Variants in GSN observed in about 807,000 individuals in gnomAD.
The protein encoded by GSN is actin-depolymerizing factor.
A neutral mutation model predicts 85.7 loss-of-function variants in GSN; 56 were observed. The ratio of observed to expected loss-of-function variants is 0.65; its 90% CI spans 0.53 to 0.82. GSN has a LOEUF of 0.82. GSN is among the 40% of genes least tolerant of loss of function. GSN has a pLI of 0.00. For missense variants in GSN, 857 were observed against 979.8 expected (o/e 0.87, Z 1.67); for synonymous variants, 373 against 399.1 (o/e 0.93, Z 0.78).
chr9:121,310,320 G>A (rs2060953684), intron 4 of GSN: 5 of 334,960 alleles, frequency 1.5e-5, no homozygotes, highest in East Asian at 7.6e-5. Context: ...GGGAAACGCC[G>A]GTTTTGAGGA....
chr9:121,269,132 T>C lies in GSN; in HGVS notation c.-103+913T>C, dbSNP rs144469603. Among the ~76,000 whole-genome samples, 63 of 152,290 alleles carry C rather than the reference T, an allele frequency of 4.1e-4. 1 individual carries two copies. Among genetic ancestry groups the C allele is most frequent in the African/African-American group, 1.4e-3 (57 of 41,562 alleles). On this transcript the variant is annotated intron_variant, in intron 1 of 17. Transcript: ENST00000432226. Reference sequence around the variant, plus strand: ...TCATTCTGGGCTGTCCTGAGGGTAATTGGACTTTGTGGAAGGCGGGGCCTC... The same window carrying C: ...TCATTCTGGGCTGTCCTGAGGGTAACTGGACTTTGTGGAAGGCGGGGCCTC...
intron 6 of GSN, among the ~76,000 whole-genome samples, chr9:121,256,557 G>A (rs916729164): frequency 6.6e-6 from 1 of 152,050 alleles, no homozygotes. Context: ...GTTGGCTGAA[G>A]GCTACAAAAA....
chr9:121,294,236 C>T (rs7018582), intron 2 of GSN, among the ~76,000 whole-genome samples: 4,026 of 152,304 alleles, frequency 0.026, 189 homozygotes, highest in African/African-American at 0.092. Flanking sequence ...CCAGCATCTG[C>T]AGCCAGGCCT....
Position 121,324,570 on chromosome 9 carries a change from A to G in GSN, c.1342A>G (p.Thr448Ala), listed in dbSNP as rs576601788. ...CCCTTCCAGGCAGGGTGCCCAGTCT[A>G]CCCAGGATGAGGTCGCTGCATCTGC... ...IIYNWQGAQS[T>A]QDEVAASAIL... Residue 448 changes from threonine to alanine, a missense_variant, in exon 12 of 18, where the codon ACC (threonine) becomes GCC (alanine). Transcript: ENST00000432226. The G allele has an allele frequency of 5.9e-6, 9 of 1,538,116 alleles. No homozygotes were observed. Among genetic ancestry groups the G allele is most frequent in the Non-Finnish European group, 7.0e-6 (8 of 1,136,278 alleles).
intron 17 of GSN, 179 bp downstream of exon 17, chr9:121,331,627 A>C: frequency 3.4e-6 from 2 of 594,488 alleles, no homozygotes; most frequent in South Asian, 2.1e-5. Flanking sequence ...ATAGTGAAGA[A>C]CACATCAGTT....
chr9:121,203,598 GTTC>G (rs780299576), upstream of GSN, among the ~76,000 whole-genome samples: 8 of 152,160 alleles, frequency 5.3e-5, no homozygotes, highest in Non-Finnish European at 7.3e-5. Context: ...TTATGAACTG[GTTC>G]TGCCATGAAC....
chr9:121,327,856 C>T (rs772650668), intron 14 of GSN, among the ~76,000 whole-genome samples: 1 of 152,210 alleles, frequency 6.6e-6, no homozygotes, highest in Non-Finnish European at 1.5e-5. Flanking sequence ...CCTGTATAAT[C>T]CCAGCTACTC....
At chr9:121,325,480 G>A (rs1418953801) in intron 12 of GSN, among the ~76,000 whole-genome samples, 2 of 152,190 alleles carry the variant, frequency 1.3e-5, no homozygotes, top group Non-Finnish European at 2.9e-5. Flanking sequence ...ACCACCAGAG[G>A]CCATAGTGAC....
chr9:121,303,629 A>G (rs1328726367), intron 4 of GSN, among the ~76,000 whole-genome samples: 2 of 152,018 alleles, frequency 1.3e-5, no homozygotes, highest in African/African-American at 4.8e-5. Context: ...CTGCACCCTA[A>G]TATGCTGGTG....
intron 2 of GSN, among the ~76,000 whole-genome samples, chr9:121,293,451 A>C (rs1173757777): frequency 2.0e-5 from 3 of 151,842 alleles, no homozygotes; most frequent in African/African-American, 7.3e-5. Flanking sequence ...CACATCATAA[A>C]ATTTGCCATT....
At chr9:121,312,593 C>A in intron 6 of GSN, 105 bp downstream of exon 6, 1 of 816,512 alleles carries the variant, frequency 1.2e-6, no homozygotes, top group Admixed American at 3.0e-5. Flanking sequence ...AAAAAAACTT[C>A]CGCTCTACCC....
chr9:121,218,631 T>A (rs968761095), intron 4 of GSN, among the ~76,000 whole-genome samples: 1 of 151,898 alleles, frequency 6.6e-6, no homozygotes, highest in African/African-American at 2.4e-5. Flanking sequence ...TGAGTCTCTG[T>A]CTCAAAAAAA....
chr9:121,241,536 T>C (rs567236223), intron 5 of GSN, among the ~76,000 whole-genome samples: 21 of 152,352 alleles, frequency 1.4e-4, no homozygotes, highest in East Asian at 3.9e-4. Flanking sequence ...GTTTTTTCTC[T>C]TGTGAAGAGG....
In GSN at chr9:121,318,520, G is replaced by A. The variant is rs1271622561; in HGVS notation, c.975+26G>A. On this transcript the variant is annotated intron_variant, in intron 9 of 17. Transcript: ENST00000432226. This position sits in a 1 kb window ranked among gnomAD's most constrained non-coding sequence, Gnocchi z 4.3. ...GTGAGTCTTGGAGGCCAGGTAGGAT[G>A]GGAAGGGGTGGGTCCTGTTTGGAGG... is the stretch of plus-strand genomic sequence containing the variant. 9.6e-6 allele frequency: 15 copies of A among 1,565,924 alleles called. No homozygotes were observed. Among genetic ancestry groups the A allele is most frequent in the Non-Finnish European group, 1.1e-5 (13 of 1,136,128 alleles).
chr9:121,202,930 T>A (rs1333562391), upstream of GSN, among the ~76,000 whole-genome samples: 1 of 151,978 alleles, frequency 6.6e-6, no homozygotes, highest in African/African-American at 2.4e-5. Flanking sequence ...ATCGAGACCA[T>A]CTTGGCTAAC....
At chr9:121,309,961 A>AGGAAGGAAGAGAGAGAGAGAGC (rs1242930027) in intron 4 of GSN, 1 of 153,112 alleles carries the variant, frequency 6.5e-6, no homozygotes, top group African/African-American at 2.4e-5. Flanking sequence ...CCCTGTTGAA[A>AGGAAGGAAGAGAGAGAGAGAGC]GGAAGGAAGA....
intron 2 of GSN, among the ~76,000 whole-genome samples, chr9:121,292,430 TAGGTATAGGGC>T (rs2058782542): frequency 6.6e-6 from 1 of 152,070 alleles, no homozygotes; most frequent in Non-Finnish European, 1.5e-5. Flanking sequence ...AGGTATGAGG[TAGGTATAGGGC>T]AGGTATAGGG....
intron 2 of GSN, among the ~76,000 whole-genome samples, chr9:121,290,799 G>A (rs907302868): frequency 5.9e-5 from 9 of 152,128 alleles, no homozygotes; most frequent in East Asian, 1.9e-4. Context: ...TAGTCCTCAT[G>A]TTGCACATTA....
chr9:121,214,574 G>T (rs185740645), intron 4 of GSN, among the ~76,000 whole-genome samples: 1 of 152,180 alleles, frequency 6.6e-6, no homozygotes, highest in African/African-American at 2.4e-5. Context: ...AGGAATGACT[G>T]TTTCTAAGAA....
Sources: allele counts gnomAD v4.1 joint callset (sites outside exome capture counted in the v4.1 genomes callset), GRCh38; gene constraint gnomAD v4.1.1; non-coding constraint Gnocchi (gnomAD v3.1); transcripts MANE v1.5; gene names NCBI Gene and HGNC (gene_info 2026-07-23, HGNC 2026-07-21).